Variants in UGGT2 observed in about 807,000 individuals in gnomAD.
UGGT2 encodes the protein UDP-glucose glycoprotein glucosyltransferase 2, also known as UDP-glucose:glycoprotein glucosyltransferase 2.
A neutral mutation model predicts 192.1 loss-of-function variants in UGGT2; 180 were observed. The ratio of observed to expected loss-of-function variants is 0.94; its 90% CI spans 0.83 to 1.06. The LOEUF (loss-of-function observed/expected upper bound fraction) is 1.06, where lower values mean the gene tolerates loss of function less well. Among genes scored for constraint, UGGT2 ranks in the 50% least tolerant of loss-of-function variants. The pLI is 0.00. For synonymous variants in UGGT2, 580 were observed against 591.0 expected, an observed-to-expected ratio of 0.98 and a Z score of 0.27; for missense variants, 1,849 against 1,795.7, an observed-to-expected ratio of 1.03 and a Z score of -0.54.
intron 20 of UGGT2, among the ~76,000 whole-genome samples, chr13:95,919,752 C>T (rs948643828): frequency 2.6e-5 from 4 of 151,962 alleles, no homozygotes; most frequent in South Asian, 2.1e-4. Flanking sequence ...ACAGGAAGAA[C>T]GAACATCATG....
chr13:95,943,396 A>C (rs2049756148), intron 15 of UGGT2, among the ~76,000 whole-genome samples: 1 of 151,884 alleles, frequency 6.6e-6, no homozygotes, highest in Non-Finnish European at 1.5e-5. Context: ...CACAAAACTG[A>C]CCTTCCCCCC....
intron 36 of UGGT2, among the ~76,000 whole-genome samples, 189 bp from the exon 37 acceptor site, chr13:95,837,391 T>C (rs895752305): frequency 3.9e-5 from 6 of 152,300 alleles, no homozygotes; most frequent in Middle Eastern, 3.4e-3. Flanking sequence ...AATGAATCCA[T>C]GCACTGGAAT....
chr13:95,884,126 TTA>T (rs1201220142), intron 27 of UGGT2, among the ~76,000 whole-genome samples: 8 of 148,544 alleles, frequency 5.4e-5, no homozygotes, highest in Admixed American at 2.0e-4. Context: ...ATTTGCTGAG[TTA>T]AAAACTAAAC....
At chr13:95,874,479 C>G (rs908204237) in intron 29 of UGGT2, among the ~76,000 whole-genome samples, 1 of 152,098 alleles carries the variant, frequency 6.6e-6, no homozygotes, top group African/African-American at 2.4e-5. Flanking sequence ...AGACACCTGA[C>G]AAAGGAATGA....
At chr13:96,043,196 G>A (rs529116135) in intron 1 of UGGT2, among the ~76,000 whole-genome samples, 1 of 152,120 alleles carries the variant, frequency 6.6e-6, no homozygotes, top group African/African-American at 2.4e-5. Flanking sequence ...AAGCTAGAAG[G>A]GATTGGGGCC....
At chr13:96,017,751 C>T (rs898794755) in intron 4 of UGGT2, among the ~76,000 whole-genome samples, 2 of 152,080 alleles carry the variant, frequency 1.3e-5, no homozygotes, top group South Asian at 2.1e-4. Flanking sequence ...GAATTATAGG[C>T]CATTTTCCCT....
intron 1 of UGGT2, among the ~76,000 whole-genome samples, chr13:96,048,883 A>T (rs1336766458): frequency 6.6e-6 from 1 of 152,210 alleles, no homozygotes; most frequent in Admixed American, 6.5e-5. Context: ...ACAGATTCAC[A>T]GCCAAATTGT....
chr13:95,884,972 A>G (rs912306931), intron 26 of UGGT2, among the ~76,000 whole-genome samples: 4 of 152,092 alleles, frequency 2.6e-5, no homozygotes, highest in African/African-American at 9.7e-5. Flanking sequence ...GGAGTTTATG[A>G]TCTGTTATTG....
intron 38 of UGGT2, among the ~76,000 whole-genome samples, chr13:95,805,908 T>C (rs1226229650): frequency 6.6e-6 from 1 of 151,874 alleles, no homozygotes; most frequent in Non-Finnish European, 1.5e-5. Context: ...GTAAATCTTG[T>C]TACGTGATTT....
In UGGT2 at chr13:95,867,407, A is replaced by C. The variant is rs1005782133; in HGVS notation, c.3490T>G (p.Ser1164Ala). 6.2e-7 allele frequency: 1 copy of C among 1,606,402 alleles called. No homozygotes were observed. The highest frequency in any genetic ancestry group is 1.3e-5 in the African/African-American group (1 of 74,618). ...ATGATATCTTCTAGGTCTGCTTGAG[A>C]GTCAGTTCCTTCATGCCTAAAAGTA... ...YQIVGHEGTD[S>A]QADLEDIIVV... Residue 1164 changes from serine to alanine, a missense_variant, in exon 30 of 39, where the codon TCT becomes GCT. By Grantham distance (99) the Ser-to-Ala change is moderately conservative. Coordinates refer to ENST00000376747, the MANE Select transcript of UGGT2 (RefSeq NM_020121.4).
At chr13:95,950,480 A>C (rs7999737) in intron 12 of UGGT2, among the ~76,000 whole-genome samples, 129,550 of 150,182 alleles carry the variant, frequency 0.86, 56,144 homozygotes, top group East Asian at 0.93. Context: ...GGCACTGAGG[A>C]TACCAGAACA....
chr13:95,865,336 T>C (rs1890555937), intron 30 of UGGT2, among the ~76,000 whole-genome samples: 1 of 152,146 alleles, frequency 6.6e-6, no homozygotes, highest in South Asian at 2.1e-4. Context: ...GAGATAAAAC[T>C]GTGTTATTAG....
intron 20 of UGGT2, among the ~76,000 whole-genome samples, chr13:95,921,304 A>T (rs534381119): frequency 3.7e-4 from 55 of 150,234 alleles, no homozygotes; most frequent in African/African-American, 1.2e-3. Context: ...GCATACGTTT[A>T]TCTGTGTAAC....
At chr13:95,908,199 A>G (rs943433791) in intron 20 of UGGT2, among the ~76,000 whole-genome samples, 14 of 152,210 alleles carry the variant, frequency 9.2e-5, no homozygotes, top group Non-Finnish European at 1.8e-4. Context: ...AGCTTAGAGA[A>G]AAAAGACTAA....
intron 4 of UGGT2, among the ~76,000 whole-genome samples, chr13:96,013,708 A>G (rs1206867505): frequency 1.3e-5 from 2 of 152,138 alleles, no homozygotes; most frequent in African/African-American, 4.8e-5. Context: ...ATTTCCCAAC[A>G]AGGTTTATTA....
At chr13:95,855,694 C>G (rs1212290358) in intron 34 of UGGT2, among the ~76,000 whole-genome samples, 1 of 151,962 alleles carries the variant, frequency 6.6e-6, no homozygotes, top group African/African-American at 2.4e-5. Context: ...TTAAAATGCT[C>G]TTTTCCTTAA....
chr13:95,868,597 CACAAAACAAA>C (rs143644747), intron 29 of UGGT2, among the ~76,000 whole-genome samples: 7,662 of 151,984 alleles, frequency 0.05, 278 homozygotes, highest in East Asian at 0.19. Context: ...GAGACCCTGT[CACAAAACAAA>C]ACAAAACAAA....
At chr13:95,877,523 A>C (rs1179834051) in intron 28 of UGGT2, 159 bp from the exon 29 acceptor site, 2 of 1,021,708 alleles carry the variant, frequency 2.0e-6, no homozygotes, top group African/African-American at 1.6e-5. Context: ...TAACCTGTCA[A>C]AAATTATTAA....
intron 38 of UGGT2, among the ~76,000 whole-genome samples, chr13:95,805,951 G>C (rs1264503162): frequency 3.4e-5 from 5 of 149,192 alleles, no homozygotes; most frequent in Non-Finnish European, 7.4e-5. Flanking sequence ...CATAAAAATG[G>C]TATAGGATTG....
Sources: allele counts gnomAD v4.1 joint callset (sites outside exome capture counted in the v4.1 genomes callset), GRCh38; gene constraint gnomAD v4.1.1; transcripts MANE v1.5; gene names NCBI Gene and HGNC (gene_info 2026-07-23, HGNC 2026-07-21).